The following PDE4D variants were observed in gnomAD, a reference collection of about 807,000 sequenced individuals.
PDE4D encodes phosphodiesterase 4D.
PDE4D carries 24 observed loss-of-function variants against 87.4 expected under a neutral mutation model. That is an observed-to-expected ratio of 0.27 (90% CI 0.20 to 0.39). PDE4D has a LOEUF of 0.39. Among genes scored for constraint, PDE4D ranks in the 10% least tolerant of loss-of-function variants. The pLI, the probability that PDE4D is intolerant of heterozygous loss-of-function variation, is 1.00. For synonymous variants in PDE4D, 384 were observed against 383.2 expected, an observed-to-expected ratio of 1.00 and a Z score of -0.02; for missense variants, 714 against 1,041.0, an observed-to-expected ratio of 0.69 and a Z score of 4.32.
intron 3 of PDE4D, among the ~76,000 whole-genome samples, chr5:59,969,259 C>G (rs1432368700): frequency 6.6e-6 from 1 of 152,152 alleles, no homozygotes; most frequent in Non-Finnish European, 1.5e-5. Context: ...ATTCACATCT[C>G]ACAAAGAATG....
At chr5:59,290,718 A>G (rs997317435) in intron 1 of PDE4D, among the ~76,000 whole-genome samples, 1 of 152,146 alleles carries the variant, frequency 6.6e-6, no homozygotes, top group Non-Finnish European at 1.5e-5. Context: ...ATATATAAGA[A>G]GCTCAAACAA....
chr5:59,207,018 G>A (rs1157551055), intron 2 of PDE4D, among the ~76,000 whole-genome samples: 1 of 151,820 alleles, frequency 6.6e-6, no homozygotes, highest in Non-Finnish European at 1.5e-5. Flanking sequence ...CCTCATTTCT[G>A]CTAAAAATTA....
At chr5:59,796,014 C>G (rs901996880) in intron 1 of PDE4D, among the ~76,000 whole-genome samples, 13 of 152,142 alleles carry the variant, frequency 8.5e-5, no homozygotes, top group African/African-American at 3.1e-4. Context: ...CAGAAGGAAA[C>G]AACCTTGACA....
chr5:59,032,360 T>A (rs1041172423), intron 6 of PDE4D, among the ~76,000 whole-genome samples: 1 of 152,064 alleles, frequency 6.6e-6, no homozygotes, highest in Non-Finnish European at 1.5e-5. Flanking sequence ...GGAGGGAGGA[T>A]CACGAGGTCA....
At chr5:59,133,656 T>C (rs1776599828) in intron 5 of PDE4D, among the ~76,000 whole-genome samples, 1 of 152,174 alleles carries the variant, frequency 6.6e-6, no homozygotes, top group South Asian at 2.1e-4. Context: ...TAAGCCACTC[T>C]CCCAGTTTCC....
At chr5:59,309,858 C>T (rs255647) in intron 1 of PDE4D, among the ~76,000 whole-genome samples, 94,848 of 151,950 alleles carry the variant, frequency 0.62, 30,845 homozygotes, top group African/African-American at 0.81. Flanking sequence ...CTGCCCAAAC[C>T]CGCTGCCAGT....
At chr5:60,312,435 T>C (rs894315895) in intron 1 of PDE4D, among the ~76,000 whole-genome samples, 4 of 152,146 alleles carry the variant, frequency 2.6e-5, no homozygotes, top group African/African-American at 9.7e-5. Context: ...GACTGGGTAA[T>C]TTATAAAGGA....
chr5:60,384,536 T>C (rs1007148289), intron 1 of PDE4D, among the ~76,000 whole-genome samples: 1 of 152,128 alleles, frequency 6.6e-6, no homozygotes, highest in African/African-American at 2.4e-5. Context: ...TCTGTTTGCT[T>C]CCTCTCTCCT....
intron 1 of PDE4D, among the ~76,000 whole-genome samples, chr5:59,735,379 AT>A (rs1042607938): frequency 6.6e-6 from 1 of 152,174 alleles, no homozygotes; most frequent in Non-Finnish European, 1.5e-5. Flanking sequence ...TGAGTTCTAA[AT>A]TATTCACCAA....
chr5:59,287,190 A>G (rs1343084379), intron 1 of PDE4D, among the ~76,000 whole-genome samples: 1 of 152,148 alleles, frequency 6.6e-6, no homozygotes, highest in Non-Finnish European at 1.5e-5. Context: ...CACTGCCCCA[A>G]AATAGATTCC....
chr5:59,080,619 G>A (rs1338948560), intron 5 of PDE4D, among the ~76,000 whole-genome samples: 1 of 152,104 alleles, frequency 6.6e-6, no homozygotes, highest in African/African-American at 2.4e-5. Flanking sequence ...TTCTCCTTAG[G>A]CAAAAGCTAC....
At chr5:59,439,032 CAA>C (rs1454638055) in intron 1 of PDE4D, among the ~76,000 whole-genome samples, 5 of 152,066 alleles carry the variant, frequency 3.3e-5, no homozygotes, top group African/African-American at 9.7e-5. Context: ...AGCATAATTT[CAA>C]AGTTATTTGC....
chr5:60,220,097 C>T (rs1379236150), intron 1 of PDE4D, among the ~76,000 whole-genome samples: 2 of 152,120 alleles, frequency 1.3e-5, no homozygotes, highest in Non-Finnish European at 2.9e-5. Flanking sequence ...TGCTTCAGGC[C>T]TATGTCCTGG....
chr5:60,063,141 AGAAAGAAAGAAAGAAG>A (rs1562044548), intron 2 of PDE4D, among the ~76,000 whole-genome samples: 17 of 146,340 alleles, frequency 1.2e-4, no homozygotes, highest in African/African-American at 4.1e-4. Context: ...AAAGAAAGAA[AGAAAGAAAGAAAGAAG>A]GAAAGAAAGA....
At chr5:59,699,370 GAGTT>G (rs1464790327) in intron 1 of PDE4D, among the ~76,000 whole-genome samples, 1 of 152,110 alleles carries the variant, frequency 6.6e-6, no homozygotes, top group African/African-American at 2.4e-5. Flanking sequence ...AAAATAAAAA[GAGTT>G]AGCTCTCTGG....
chr5:60,464,134 T>C (rs145697106), intron 1 of PDE4D, among the ~76,000 whole-genome samples: 4 of 152,254 alleles, frequency 2.6e-5, no homozygotes, highest in African/African-American at 9.6e-5. Flanking sequence ...AACAAATCAA[T>C]GTCTCCAGGA....
rs60356253 is a variant in PDE4D at position 59,802,396 on chromosome 5, C to CTT, written c.455+90770_455+90771dup. On this transcript the variant is annotated intron_variant, in intron 1 of 14. Transcript: ENST00000340635. ...AGATTATTTTTATAACTTCCATATT[C>CTT]TTTTTTTTTTTTTTTTTTTTGAGAC... is the stretch of plus-strand genomic sequence containing the variant. 5.3e-3 allele frequency among the ~76,000 whole-genome samples: 589 copies of CTT among 110,366 alleles called. 8 individuals carry two copies. Among genetic ancestry groups the CTT allele is most frequent in the East Asian group, 0.016 (61 of 3,788 alleles). The allele number at this position is 110,366 out of a possible 152,430, so 72.4% of individuals were successfully genotyped here.
rs199505285 is a variant in PDE4D at position 59,499,424 on chromosome 5, CA to C, written c.456-283457del. ...CAGAAAAAAAAGAAATAACTAAAATCAGAACAGAATTAAATGAAATTGAGAC... is the reference window on the plus strand; with the variant it reads ...CAGAAAAAAAAGAAATAACTAAAATCGAACAGAATTAAATGAAATTGAGAC... On this transcript the variant is annotated intron_variant, in intron 1 of 14. Transcript: ENST00000340635. Among the ~76,000 whole-genome samples the C allele has an allele frequency of 2.7e-4, 40 of 148,208 alleles. 1 individual carries two copies. In the East Asian group the frequency reaches 7.3e-3, roughly 27 times the overall value.
chr5:60,376,842 A>G (rs971509105), intron 1 of PDE4D, among the ~76,000 whole-genome samples: 5 of 152,192 alleles, frequency 3.3e-5, no homozygotes, highest in Admixed American at 1.3e-4. Flanking sequence ...CTATCTCCAA[A>G]TGATAAGTCT....
Sources: gnomAD v4.1 joint callset for allele counts (sites outside exome capture counted in the v4.1 genomes callset) on GRCh38, gnomAD v4.1.1 for gene constraint, MANE v1.5 for transcripts, NCBI Gene and HGNC (gene_info 2026-07-23, HGNC 2026-07-21) for gene names.